DRD3: variants seen among roughly 807,000 people sequenced by gnomAD.
DRD3 encodes dopamine receptor D3.
In DRD3, 19 loss-of-function variants were observed where a neutral mutation model predicts 36.3. The observed-to-expected ratio is 0.52, with a 90% CI of 0.36 to 0.77. The LOEUF is 0.77. Among genes scored for constraint, DRD3 ranks in the 30% least tolerant of loss-of-function variants. DRD3 has a pLI of 0.00. For missense variants in DRD3, 465 were observed against 505.3 expected, an observed-to-expected ratio of 0.92 and a Z score of 0.77; for synonymous variants, 195 against 203.7, an observed-to-expected ratio of 0.96 and a Z score of 0.36.
At chr3:114,150,414 C>T (rs1319334180) in intron 3 of DRD3, among the ~76,000 whole-genome samples, 1 of 152,192 alleles carries the variant, frequency 6.6e-6, no homozygotes, top group Non-Finnish European at 1.5e-5. Context: ...GCTGTCTTGC[C>T]TCATGACTGA....
intron 1 of DRD3, among the ~76,000 whole-genome samples, chr3:114,198,544 GA>G (rs1003786357): frequency 1.1e-4 from 16 of 152,108 alleles, no homozygotes; most frequent in African/African-American, 3.9e-4. Flanking sequence ...GTTCTAGTAG[GA>G]TTTTTTTTGG....
rs114187098 is a variant in DRD3, at chr3:114,174,720, A to G, written c.-35-2693T>C. ...CTAGATTACTCTCTATCCCTCAGCT[A>G]ATTGTTTCAACTTCCTCCCTGCTTA... On this transcript the variant is annotated intron_variant, in intron 1 of 6. Coordinates refer to ENST00000383673, the MANE Select transcript of DRD3 (RefSeq NM_000796.6). 9.9e-3 allele frequency among the ~76,000 whole-genome samples: 1,507 copies of G among 151,594 alleles called. 39 individuals are homozygous for G. The highest frequency in any genetic ancestry group is 0.035 in the African/African-American group (1,426 of 41,088).
chr3:114,130,067 A>T (rs1434261727), intron 6 of DRD3, among the ~76,000 whole-genome samples: 1 of 151,996 alleles, frequency 6.6e-6, no homozygotes, highest in Non-Finnish European at 1.5e-5. Flanking sequence ...GGGCAACGTA[A>T]TGAGACCCTG....
At chr3:114,163,100 T>C (rs913513424) in intron 2 of DRD3, among the ~76,000 whole-genome samples, 1 of 152,214 alleles carries the variant, frequency 6.6e-6, no homozygotes, top group Non-Finnish European at 1.5e-5. Flanking sequence ...TTTTCTTGTC[T>C]CCTGATTCTG....
chr3:114,172,060 T>G, intron 1 of DRD3, 33 bp from the exon 2 acceptor site: 1 of 1,351,932 alleles, frequency 7.4e-7, no homozygotes, highest in East Asian at 2.9e-5. Context: ...ATTAATAAAA[T>G]CAGACTCTTT....
intron 2 of DRD3, among the ~76,000 whole-genome samples, chr3:114,164,962 G>C (rs1025270154): frequency 6.6e-6 from 1 of 152,166 alleles, no homozygotes; most frequent in Non-Finnish European, 1.5e-5. Context: ...CATTGGCCAG[G>C]CTGGTGTTGA....
intron 5 of DRD3, among the ~76,000 whole-genome samples, chr3:114,133,138 G>A (rs1351428126): frequency 1.3e-5 from 2 of 152,028 alleles, no homozygotes; most frequent in Non-Finnish European, 2.9e-5. Context: ...TTACAGGCAT[G>A]TGCCACCACG....
At chr3:114,164,352 G>T (rs1291103381) in intron 2 of DRD3, among the ~76,000 whole-genome samples, 2 of 151,444 alleles carry the variant, frequency 1.3e-5, no homozygotes, top group Non-Finnish European at 2.9e-5. Flanking sequence ...CAACCAGGTG[G>T]TGTTACTCTT....
In DRD3 at chr3:114,147,464, T is replaced by G; in HGVS notation, c.477A>C (p.Val159=). Residue 159 remains valine (V), a synonymous_variant, in exon 4 of 7, where the codon GTA becomes GTC. Transcript: ENST00000383673. ...RVALMITAVW[V]LAFAVSCPLL... is the part of the protein sequence containing the mutation. Reference sequence around the variant, plus strand: ...GAGGGCAGGACACAGCAAAGGCCAGTACCCAGACGGCCGTGATCATGAGGG... The same window carrying G: ...GAGGGCAGGACACAGCAAAGGCCAGGACCCAGACGGCCGTGATCATGAGGG... 1 of 1,613,880 alleles carries G rather than the reference T, an allele frequency of 6.2e-7. No homozygotes were observed. Among genetic ancestry groups the G allele is most frequent in the Admixed American group, 1.7e-5 (1 of 60,004 alleles).
At chr3:114,139,418 C>A in intron 5 of DRD3, 82 bp downstream of exon 5, 1 of 1,366,154 alleles carries the variant, frequency 7.3e-7, no homozygotes, top group Non-Finnish European at 9.9e-7. Context: ...AGCTAAACGG[C>A]AAAATCATGC....
At chr3:114,168,730 C>A (rs1212206695) in intron 2 of DRD3, among the ~76,000 whole-genome samples, 1 of 152,164 alleles carries the variant, frequency 6.6e-6, no homozygotes, top group African/African-American at 2.4e-5. Context: ...GCAGCTGAAC[C>A]AACACAATAA....
At chr3:114,184,999 T>A (rs1212250767) in intron 1 of DRD3, among the ~76,000 whole-genome samples, 1 of 152,170 alleles carries the variant, frequency 6.6e-6, no homozygotes, top group Non-Finnish European at 1.5e-5. Flanking sequence ...TTAATATTCT[T>A]ACCAAAGAGC....
chr3:114,131,620 A>G (rs1191043517), intron 5 of DRD3, among the ~76,000 whole-genome samples: 1 of 152,244 alleles, frequency 6.6e-6, no homozygotes, highest in Admixed American at 6.5e-5. Context: ...ATATCATCAG[A>G]GTGAACAGGC....
intron 4 of DRD3, among the ~76,000 whole-genome samples, chr3:114,142,344 A>G (rs2077533465): frequency 6.6e-6 from 1 of 152,200 alleles, no homozygotes. Context: ...GGCACTGCCC[A>G]TCTTGTTGTC....
At chr3:114,158,394 G>A (rs897908568) in intron 3 of DRD3, among the ~76,000 whole-genome samples, 1 of 152,188 alleles carries the variant, frequency 6.6e-6, no homozygotes, top group Non-Finnish European at 1.5e-5. Flanking sequence ...AAGAGTTGGG[G>A]ATTTTAGAAT....
At chr3:114,156,765 TTCTTTCTTTCTTTCTTTC>T (rs2077676738) in intron 3 of DRD3, among the ~76,000 whole-genome samples, 2 of 114,070 alleles carry the variant, frequency 1.8e-5, no homozygotes, top group Non-Finnish European at 3.9e-5. Flanking sequence ...CTTTCTTTCT[TTCTTTCTTTCTTTCTTTC>T]TTTCTTTCTT....
intron 4 of DRD3, among the ~76,000 whole-genome samples, chr3:114,141,101 G>A (rs1157957491): frequency 7.9e-5 from 12 of 152,218 alleles, no homozygotes; most frequent in South Asian, 4.1e-4. Context: ...GCTCGATCTC[G>A]GCTCACCGCA....
At chr3:114,168,050 A>G (rs568517370) in intron 2 of DRD3, among the ~76,000 whole-genome samples, 1 of 152,294 alleles carries the variant, frequency 6.6e-6, no homozygotes, top group African/African-American at 2.4e-5. Flanking sequence ...CTACCAGAGG[A>G]CTTTATAAAG....
chr3:114,184,819 C>T (rs1013199643), intron 1 of DRD3, among the ~76,000 whole-genome samples: 1 of 152,132 alleles, frequency 6.6e-6, no homozygotes, highest in Non-Finnish European at 1.5e-5. Flanking sequence ...CCACCCTGGC[C>T]TCCCAAAATG....
Sources: gnomAD v4.1 joint callset for allele counts (sites outside exome capture counted in the v4.1 genomes callset) on GRCh38, gnomAD v4.1.1 for gene constraint, MANE v1.5 for transcripts, NCBI Gene and HGNC (gene_info 2026-07-23, HGNC 2026-07-21) for gene names.